PALM2AKAP2: variants seen among roughly 807,000 people sequenced by gnomAD.
PALM2AKAP2 encodes the protein PALM2 and AKAP2 fusion.
In PALM2AKAP2, 37 loss-of-function variants were observed where a neutral mutation model predicts 71.5. The ratio of observed to expected loss-of-function variants is 0.52; its 90% CI spans 0.40 to 0.68. The LOEUF is 0.68. Among genes scored for constraint, PALM2AKAP2 ranks in the 30% least tolerant of loss-of-function variants. The pLI, the probability that PALM2AKAP2 is intolerant of heterozygous loss-of-function variation, is 0.00. For missense variants in PALM2AKAP2, 1,224 were observed against 1,191.8 expected (o/e 1.03, Z -0.40); for synonymous variants, 468 against 478.8 (o/e 0.98, Z 0.29).
At chr9:110,126,594 A>C (rs1200850629) in intron 1 of PALM2AKAP2, among the ~76,000 whole-genome samples, 1 of 152,216 alleles carries the variant, frequency 6.6e-6, no homozygotes, top group Non-Finnish European at 1.5e-5. Context: ...CATTGAGGAA[A>C]ACATGAAACT....
At chr9:109,875,559 G>A (rs941693435) in intron 2 of PALM2AKAP2, among the ~76,000 whole-genome samples, 12 of 152,224 alleles carry the variant, frequency 7.9e-5, no homozygotes, top group Non-Finnish European at 1.8e-4. Flanking sequence ...ACCAGCCATT[G>A]AGAAAGCTTG....
At chr9:110,137,907 G>A in exon 2 of PALM2AKAP2, 3 of 1,614,180 alleles carry the variant, frequency 1.9e-6, no homozygotes, top group Admixed American at 1.7e-5. Context: ...TCCACGCTGG[G>A]GGACTCTCCG....
chr9:110,017,036 T>C (rs534392043), intron 7 of PALM2AKAP2, among the ~76,000 whole-genome samples: 37 of 152,190 alleles, frequency 2.4e-4, no homozygotes, highest in East Asian at 1.9e-3. Flanking sequence ...CCAGCCACCG[T>C]GCCTGGCTAA....
At chr9:109,898,307 C>T in intron 3 of PALM2AKAP2, among the ~76,000 whole-genome samples, 1 of 152,232 alleles carries the variant, frequency 6.6e-6, no homozygotes. Flanking sequence ...TTCACCTGTG[C>T]ACAAACATGT....
In PALM2AKAP2 at chr9:110,136,355, G is replaced by C. The variant is rs146199973; in HGVS notation, c.385G>C (p.Asp129His). Residue 129 changes from aspartate to histidine, a missense_variant, in exon 2 of 4, where the codon GAT becomes CAT. Physicochemically the swap from Asp to His is moderately conservative, Grantham distance 81 (BLOSUM62 -1). Coordinates refer to ENST00000374525, the Ensembl canonical transcript of PALM2AKAP2. ...ACCCCCGCATAATGGCCTCCTTACT[G>C]ATCACCACGAATCCCTGGATAATGA... The C allele has an allele frequency of 1.7e-4, 267 of 1,614,114 alleles. No homozygotes were observed. In the African/African-American group the frequency reaches 3.2e-3, roughly 20 times the overall value.
chr9:110,075,587 T>C (rs1186755661), intron 1 of PALM2AKAP2, among the ~76,000 whole-genome samples: 1 of 152,088 alleles, frequency 6.6e-6, no homozygotes, highest in Admixed American at 6.6e-5. Context: ...CATTCTCTTT[T>C]TTTCTTTCTT....
At chr9:109,990,046 T>TAA (rs1832447465) in intron 6 of PALM2AKAP2, among the ~76,000 whole-genome samples, 3 of 151,840 alleles carry the variant, frequency 2.0e-5, no homozygotes, top group African/African-American at 7.2e-5. Flanking sequence ...TTTAAGTCAC[T>TAA]GTTTTCTTTT....
chr9:109,976,730 G>T (rs1243877310), intron 6 of PALM2AKAP2, among the ~76,000 whole-genome samples: 1 of 152,118 alleles, frequency 6.6e-6, no homozygotes, highest in Non-Finnish European at 1.5e-5. Flanking sequence ...CTTTATATGT[G>T]TTATCTCATT....
At chr9:109,748,929 C>A (rs1021610341) in intron 1 of PALM2AKAP2, among the ~76,000 whole-genome samples, 4 of 152,150 alleles carry the variant, frequency 2.6e-5, no homozygotes, top group Non-Finnish European at 5.9e-5. Context: ...ATAAAGACTC[C>A]AGCCATATTG....
intron 6 of PALM2AKAP2, among the ~76,000 whole-genome samples, chr9:109,960,492 A>G (rs1353884069): frequency 6.6e-6 from 1 of 152,238 alleles, no homozygotes; most frequent in African/African-American, 2.4e-5. Flanking sequence ...GATATAATGC[A>G]TAAGTTGAGC....
intron 1 of PALM2AKAP2, among the ~76,000 whole-genome samples, chr9:109,822,492 A>G (rs574601517): frequency 5.4e-4 from 83 of 152,310 alleles, no homozygotes; most frequent in African/African-American, 1.9e-3. Flanking sequence ...TAAGCATAGT[A>G]CCTGAAGGTA....
chr9:109,945,281 C>T (rs942054443), intron 6 of PALM2AKAP2: 1 of 149,502 alleles, frequency 6.7e-6, no homozygotes, highest in African/African-American at 2.4e-5. Flanking sequence ...AAACAGAAAA[C>T]GTTAAAGAAG....
intron 6 of PALM2AKAP2, chr9:109,942,693 C>T (rs773096848): frequency 5.2e-5 from 82 of 1,581,948 alleles, no homozygotes; most frequent in Middle Eastern, 1.7e-4. Context: ...AAGCTGTGTA[C>T]GCCATGGAAA....
intron 1 of PALM2AKAP2, among the ~76,000 whole-genome samples, chr9:109,757,061 TTCTA>T (rs1302172155): frequency 6.6e-6 from 1 of 152,090 alleles, no homozygotes; most frequent in Non-Finnish European, 1.5e-5. Context: ...ACATAACGTG[TTCTA>T]TCTATCTGTA....
intron 3 of PALM2AKAP2, among the ~76,000 whole-genome samples, chr9:109,892,810 T>C (rs1285739635): frequency 6.6e-6 from 1 of 152,152 alleles, no homozygotes; most frequent in East Asian, 1.9e-4. Context: ...AAAGATCAAC[T>C]TTATTGGGGA....
chr9:109,961,200 T>C (rs539054065), intron 6 of PALM2AKAP2, among the ~76,000 whole-genome samples: 1 of 152,346 alleles, frequency 6.6e-6, no homozygotes, highest in African/African-American at 2.4e-5. Flanking sequence ...ACCAGAAACT[T>C]ACTTTATAAT....
At chr9:109,653,736 G>A (rs920180087) in intron 1 of PALM2AKAP2, among the ~76,000 whole-genome samples, 3 of 152,180 alleles carry the variant, frequency 2.0e-5, no homozygotes, top group Non-Finnish European at 4.4e-5. Flanking sequence ...CACACTCTGA[G>A]TAGCAACATT....
intron 3 of PALM2AKAP2, among the ~76,000 whole-genome samples, chr9:109,887,187 G>A (rs1587985901): frequency 6.6e-6 from 1 of 152,232 alleles, no homozygotes; most frequent in African/African-American, 2.4e-5. Context: ...ATGTTGTGGG[G>A]TTTGGCAACC....
intron 3 of PALM2AKAP2, among the ~76,000 whole-genome samples, chr9:109,894,788 G>GT (rs779269568): frequency 2.1e-4 from 32 of 152,040 alleles, no homozygotes; most frequent in African/African-American, 3.9e-4. Context: ...TTTTCCTATA[G>GT]TTTTTTTAAG....
Sources: gnomAD v4.1 joint callset for allele counts (sites outside exome capture counted in the v4.1 genomes callset) on GRCh38, gnomAD v4.1.1 for gene constraint, MANE v1.5 for transcripts, NCBI Gene and HGNC (gene_info 2026-07-23, HGNC 2026-07-21) for gene names.